Variants in ANKEF1 observed in about 807,000 individuals in gnomAD.
ANKEF1 encodes ankyrin repeat and EF-hand domain-containing protein 1.
Under a neutral mutation model 65.1 loss-of-function variants are expected in ANKEF1, and 43 were observed. The observed-to-expected ratio is 0.66, with a 90% confidence interval of 0.52 to 0.85. ANKEF1 has a LOEUF of 0.85. ANKEF1 is among the 40% of genes least tolerant of loss of function. The pLI, the probability that ANKEF1 is intolerant of heterozygous loss-of-function variation, is 0.00. For missense variants in ANKEF1, 934 were observed against 952.9 expected, an observed-to-expected ratio of 0.98 and a Z score of 0.26; for synonymous variants, 316 against 341.5, an observed-to-expected ratio of 0.93 and a Z score of 0.82.
In ANKEF1 at chr20:10,050,119, C is replaced by T; in HGVS notation, c.1550C>T (p.Pro517Leu). ...SLKKAFESGI[P>L]VDMKDNYYKT... ...AAAAAGGCCTTTGAATCAGGAATAC[C>T]TGTGGATATGAAGGATAATTATTAC... Residue 517 changes from proline to leucine, a missense_variant, in exon 7 of 11, where the codon CCT (proline) becomes CTT (leucine). Transcript: ENST00000378392. 6.2e-7 allele frequency: 1 copy of T among 1,614,050 alleles called. No homozygotes were observed. The highest frequency in any genetic ancestry group is 8.5e-7 in the Non-Finnish European group (1 of 1,179,994).
In ANKEF1 at chr20:10,034,987, G is replaced by T. The variant is rs1983747111; in HGVS notation, c.-455G>T. 1 of 152,978 alleles carries T rather than the reference G, an allele frequency of 6.5e-6. No homozygotes were observed. The highest frequency in any genetic ancestry group is 2.4e-5 in the African/African-American group (1 of 41,442). The allele number at this position is 152,978 out of a possible 1,614,324, so 9.5% of individuals were successfully genotyped here. A position where few individuals can be genotyped will look rare whatever the true frequency, so the allele number is the denominator to read the frequency against. On this transcript the variant is annotated 5_prime_UTR_variant, in exon 1 of 11. Transcript: ENST00000378392. ...CCGCCCCACCGCGCACGCTGCGGTT[G>T]CCCCGGCAGCCGCGCCCTGCGTGGC...
At position 10,035,971 on chromosome 20, in the gene ANKEF1, G is replaced by A. The variant is rs551171648; in HGVS notation, c.-45+329G>A. Among the ~76,000 whole-genome samples the A allele has an allele frequency of 1.3e-3, 195 of 152,284 alleles. 1 individual carries two copies. The highest frequency in any genetic ancestry group is 4.4e-3 in the African/African-American group (181 of 41,556). ...ACTAAGGTGGCCCAGGGTCATGCTGGGGAAAAGTACAGGTGTGCTTGTATG... is the reference window on the plus strand; with the variant it reads ...ACTAAGGTGGCCCAGGGTCATGCTGAGGAAAAGTACAGGTGTGCTTGTATG... On this transcript the variant is annotated intron_variant, in intron 2 of 10. Transcript: ENST00000378392.
At chr20:10,042,155 A>T (rs1192043067) in intron 3 of ANKEF1, among the ~76,000 whole-genome samples, 1 of 152,080 alleles carries the variant, frequency 6.6e-6, no homozygotes, top group African/African-American at 2.4e-5. Context: ...GACCCAACGT[A>T]CCCTTTTAAT....
At chr20:10,045,783 T>G (rs189095158) in intron 6 of ANKEF1, 86 bp downstream of exon 6, 1 of 1,413,568 alleles carries the variant, frequency 7.1e-7, no homozygotes, top group Admixed American at 2.0e-5. Context: ...CTATCACTTG[T>G]CAGTGGCTTA....
chr20:10,042,245 A>G (rs1045069697), intron 3 of ANKEF1, among the ~76,000 whole-genome samples: 2 of 152,202 alleles, frequency 1.3e-5, no homozygotes, highest in Non-Finnish European at 2.9e-5. Context: ...GAAATGAATT[A>G]GCCAGTAATT....
At chr20:10,049,035 C>A (rs543065496) in intron 6 of ANKEF1, among the ~76,000 whole-genome samples, 1 of 152,274 alleles carries the variant, frequency 6.6e-6, no homozygotes, top group Non-Finnish European at 1.5e-5. Flanking sequence ...TTGAATCCAG[C>A]TTCTTTCCAA....
chr20:10,055,268 A>G (rs1985078862), intron 10 of ANKEF1, among the ~76,000 whole-genome samples: 1 of 152,074 alleles, frequency 6.6e-6, no homozygotes, highest in Non-Finnish European at 1.5e-5. Flanking sequence ...TATTTCCGAC[A>G]TTATTTGTCT....
Position 10,050,107 on chromosome 20 carries a change from A to T in ANKEF1, c.1538A>T (p.Glu513Val). The stretch of plus-strand genomic sequence containing the variant: ...CTGGCTTCTCTGAAAAAGGCCTTTG[A>T]ATCAGGAATACCTGTGGATATGAAG... ...GDLASLKKAF[E>V]SGIPVDMKDN... Residue 513 changes from glutamate to valine, a missense_variant, in exon 7 of 11, where the codon GAA becomes GTA. By Grantham distance (121) the Glu-to-Val change is moderately radical. Transcript: ENST00000378392. The T allele has an allele frequency of 6.2e-7, 1 of 1,614,140 alleles. No homozygotes were observed. Among genetic ancestry groups the T allele is most frequent in the Non-Finnish European group, 8.5e-7 (1 of 1,180,010 alleles).
At chr20:10,042,571 C>T (rs976031804) in intron 3 of ANKEF1, among the ~76,000 whole-genome samples, 1 of 152,062 alleles carries the variant, frequency 6.6e-6, no homozygotes, top group Admixed American at 6.6e-5. Flanking sequence ...TTAGCATGTT[C>T]CTTTCTCCAA....
rs199683855 is a variant in ANKEF1, at chr20:10,051,698, C to T, written c.1679C>T (p.Thr560Ile). 7.4e-6 allele frequency: 12 copies of T among 1,613,668 alleles called. No individual in the cohort carries two copies. The Admixed American group carries it at 1.8e-4, about 25-fold the overall frequency. ...AATGCAACAGATAACTTTCTGTGGA[C>T]TCCACTTCATTTTGCATGCCATGCA... is the stretch of plus-strand genomic sequence containing the variant. ...NVNATDNFLW[T>I]PLHFACHAGQ... Residue 560 changes from threonine (T) to isoleucine (I), a missense_variant, in exon 8 of 11, where the codon ACT (threonine) becomes ATT (isoleucine). Coordinates refer to ENST00000378392, the MANE Select transcript of ANKEF1 (RefSeq NM_022096.6).
At position 10,039,317 on chromosome 20, in the gene ANKEF1, C is replaced by T. The variant is rs1483050356; in HGVS notation, c.346+670C>T. Among the ~76,000 whole-genome samples the T allele has an allele frequency of 6.6e-5, 10 of 152,302 alleles. No homozygotes were observed. In the South Asian group the frequency reaches 8.3e-4, roughly 13 times the overall value. On this transcript the variant is annotated intron_variant, in intron 3 of 10. Coordinates refer to ENST00000378392, the MANE Select transcript of ANKEF1 (RefSeq NM_022096.6). ...AAGGTTCAGGCAAGAATTGACACAG[C>T]CTCATAAAAATAACTGAGATAATTA... is the stretch of plus-strand genomic sequence containing the variant.
intron 5 of ANKEF1, among the ~76,000 whole-genome samples, chr20:10,045,222 TA>T (rs1984443058): frequency 6.6e-6 from 1 of 152,188 alleles, no homozygotes; most frequent in Non-Finnish European, 1.5e-5. Context: ...GATGCTTTCT[TA>T]AATTACCTAC....
chr20:10,043,792 G>A (rs1265046205), intron 4 of ANKEF1, among the ~76,000 whole-genome samples: 3 of 151,342 alleles, frequency 2.0e-5, no homozygotes, highest in Non-Finnish European at 4.4e-5. Context: ...CCGAGTAGCT[G>A]GGATTACAGG....
At chr20:10,039,829 TTTA>T (rs1448545896) in intron 3 of ANKEF1, among the ~76,000 whole-genome samples, 2 of 152,190 alleles carry the variant, frequency 1.3e-5, no homozygotes, top group African/African-American at 4.8e-5. Flanking sequence ...ATTTTCCATA[TTTA>T]TTTGACCACA....
At position 10,043,821 on chromosome 20, in the gene ANKEF1, G is replaced by A. The variant is rs145537049; in HGVS notation, c.546+500G>A. Among the ~76,000 whole-genome samples, 613 of 151,720 alleles carry A rather than the reference G, an allele frequency of 4.0e-3. 7 individuals carry two copies. Among genetic ancestry groups the A allele is most frequent in the African/African-American group, 0.014 (584 of 41,374 alleles). On this transcript the variant is annotated intron_variant, in intron 4 of 10. Coordinates refer to ENST00000378392, the MANE Select transcript of ANKEF1 (RefSeq NM_022096.6). ...TTACAGGTGCATGCCACCATGCCCC[G>A]CTAATTATTTTTTGTATTTTTAGTA...
rs1335699956 is a variant in ANKEF1 at position 10,057,070 on chromosome 20, C to T, written c.*1410C>T. On this transcript the variant is annotated 3_prime_UTR_variant, in exon 11 of 11. Transcript: ENST00000378392. ...GAACAGGAGCTCCAAAAATATCCAA[C>T]GTCTCATTGACAGAAAGAAGCCACT... 1 of 152,138 alleles carries T rather than the reference C, an allele frequency of 6.6e-6. No homozygotes were observed. The highest frequency in any genetic ancestry group is 1.5e-5 in the Non-Finnish European group (1 of 68,034). The allele number at this position is 152,138 out of a possible 1,614,324, so 9.4% of individuals were successfully genotyped here.
At position 10,050,028 on chromosome 20, in the gene ANKEF1, G is replaced by A. The variant is rs756949223; in HGVS notation, c.1459G>A (p.Asp487Asn). 1.7e-5 allele frequency: 27 copies of A among 1,614,030 alleles called. No individual in the cohort carries two copies. The East Asian group carries it at 6.0e-4, about 36-fold the overall frequency. Residue 487 changes from aspartate (D) to asparagine (N), a missense_variant, in exon 7 of 11, where the codon GAT becomes AAT. Asp to Asn is a conservative substitution (Grantham distance 23). Coordinates refer to ENST00000378392, the MANE Select transcript of ANKEF1 (RefSeq NM_022096.6). Reference sequence around the variant, plus strand: ...TCAGGATGACTCTGTTTGGTACATTGATGATTCAGAGAAGGTATTTTCAAA... The same window carrying A: ...TCAGGATGACTCTGTTTGGTACATTAATGATTCAGAGAAGGTATTTTCAAA... The part of the protein sequence containing the change: ...PIQDDSVWYI[D>N]DSEKVFSNIN...
Position 10,049,569 on chromosome 20 carries a change from G to T in ANKEF1, c.1000G>T (p.Val334Leu), listed in dbSNP as rs1269526608. Residue 334 changes from valine (V) to leucine (L), a missense_variant, in exon 7 of 11, where the codon GTA becomes TTA. By Grantham distance (32) the Val-to-Leu change is conservative. Transcript: ENST00000378392. The stretch of plus-strand genomic sequence containing the variant: ...GGCCCTTAGACTGCACGATTGGTCC[G>T]TAGAACGTGAGGCTTTCCTCCGGGA... ...LWALRLHDWS[V>L]EREAFLREAF... is the part of the protein sequence containing the mutation. 6.2e-7 allele frequency: 1 copy of T among 1,614,144 alleles called. No homozygotes were observed. The highest frequency in any genetic ancestry group is 1.7e-5 in the Admixed American group (1 of 60,010).
At chr20:10,047,790 T>C (rs1173957412) in intron 6 of ANKEF1, among the ~76,000 whole-genome samples, 1 of 152,146 alleles carries the variant, frequency 6.6e-6, no homozygotes, top group Non-Finnish European at 1.5e-5. Context: ...TTACTAATCA[T>C]AAAGGAGGAG....
Sources: gnomAD v4.1 joint callset for allele counts (sites outside exome capture counted in the v4.1 genomes callset) on GRCh38, gnomAD v4.1.1 for gene constraint, MANE v1.5 for transcripts, NCBI Gene and HGNC (gene_info 2026-07-23, HGNC 2026-07-21) for gene names.